Variants in PTPRA observed in about 807,000 individuals in gnomAD.
PTPRA encodes the protein receptor-type tyrosine-protein phosphatase alpha.
Under a neutral mutation model 104.8 loss-of-function variants are expected in PTPRA, and 25 were observed. That is an observed-to-expected ratio of 0.24 (90% CI 0.17 to 0.33). The LOEUF is 0.33. PTPRA is among the 10% of genes least tolerant of loss of function. PTPRA has a pLI of 1.00. For synonymous variants in PTPRA, 323 were observed against 368.9 expected (o/e 0.88, Z 1.43); for missense variants, 765 against 1,015.3 (o/e 0.75, Z 3.35).
chr20:2,933,308 A>G (rs1600134297), intron 2 of PTPRA, among the ~76,000 whole-genome samples: 2 of 152,270 alleles, frequency 1.3e-5, no homozygotes, highest in Admixed American at 1.3e-4. Flanking sequence ...CATAGCTTTT[A>G]TCCATCTTTC....
intron 1 of PTPRA, among the ~76,000 whole-genome samples, chr20:2,910,578 G>GTTTCTTTTTTTTTTT (rs1337126801): frequency 6.2e-5 from 2 of 32,426 alleles, no homozygotes; most frequent in Non-Finnish European, 5.2e-5. Flanking sequence ...TGCCCAGCTA[G>GTTTCTTTTTTTTTTT]TTTTTTTTTT....
chr20:3,015,902 T>C lies in PTPRA; in HGVS notation c.943+17T>C. On this transcript the variant is annotated intron_variant, in intron 12 of 23. Coordinates refer to ENST00000399903, the MANE Select transcript of PTPRA (RefSeq NM_001385305.1). ...CTGCACAAGGTAAAGTAATGACAACTTTTTTCTGTTAGATTTAACCATGAT... is the reference window on the plus strand; with the variant it reads ...CTGCACAAGGTAAAGTAATGACAACCTTTTTCTGTTAGATTTAACCATGAT... 6.5e-7 allele frequency: 1 copy of C among 1,549,560 alleles called. No homozygotes were observed.
rs7508908 is a variant in PTPRA at position 2,994,985 on chromosome 20, C to T, written c.738+6511C>T. ...TCTCTACTAAAAATACAAAAATTAG[C>T]CGGGCATGGTGGTGAGTGCCTGTAA... On this transcript the variant is annotated intron_variant, in intron 9 of 23. Transcript: ENST00000399903. 9.6e-3 allele frequency among the ~76,000 whole-genome samples: 1,454 copies of T among 152,152 alleles called. 63 individuals are homozygous for T. The East Asian group carries it at 0.12, about 13-fold the overall frequency.
At chr20:2,894,561 G>A (rs2058919809) in intron 1 of PTPRA, among the ~76,000 whole-genome samples, 1 of 151,880 alleles carries the variant, frequency 6.6e-6, no homozygotes, top group African/African-American at 2.4e-5. Flanking sequence ...TCCAGCCTTG[G>A]CCTCCCAAGG....
At chr20:2,875,873 CG>C (rs887737335) in intron 1 of PTPRA, among the ~76,000 whole-genome samples, 1 of 152,048 alleles carries the variant, frequency 6.6e-6, no homozygotes, top group Admixed American at 6.6e-5. Flanking sequence ...TTTCCTGGGA[CG>C]GGGGGGCCTT....
In PTPRA at chr20:2,938,311, A is replaced by G. The variant is rs532042898; in HGVS notation, c.-49-9671A>G. ...GCAATTCTCCTGCGTCAGCCACCCA[A>G]GTAGCTGGGATTACAGGCACCCGCC... is the stretch of plus-strand genomic sequence containing the variant. On this transcript the variant is annotated intron_variant, in intron 2 of 23. Transcript: ENST00000399903. Among the ~76,000 whole-genome samples the G allele has an allele frequency of 6.6e-5, 10 of 152,108 alleles. No individual in the cohort carries two copies. The South Asian group carries it at 2.1e-3, about 32-fold the overall frequency.
rs2065892312 is a variant in PTPRA at position 3,038,070 on chromosome 20, G to A, written c.2346G>A (p.Glu782=). The change falls in exon 24 of 24, where the codon GAG becomes GAA. Residue 782 remains glutamate, a synonymous_variant. Coordinates refer to ENST00000399903, the MANE Select transcript of PTPRA (RefSeq NM_001385305.1). ...PHMVQTLEQY[E]FCYKVVQEYI... ...CTTTCACTCTCCAGGAACAGTATGAGTTCTGCTACAAGGTGGTGCAGGAGT... is the reference window on the plus strand; with the variant it reads ...CTTTCACTCTCCAGGAACAGTATGAATTCTGCTACAAGGTGGTGCAGGAGT... The A allele has an allele frequency of 1.9e-6, 3 of 1,612,522 alleles. No individual in the cohort carries two copies. Among genetic ancestry groups the A allele is most frequent in the Non-Finnish European group, 2.5e-6 (3 of 1,178,540 alleles).
intron 1 of PTPRA, among the ~76,000 whole-genome samples, chr20:2,874,043 G>C (rs1336350222): frequency 6.6e-6 from 1 of 152,250 alleles, no homozygotes; most frequent in African/African-American, 2.4e-5. Context: ...GGCACTGCCA[G>C]AGTTGATTCT....
intron 2 of PTPRA, among the ~76,000 whole-genome samples, chr20:2,944,836 T>A (rs1038707736): frequency 1.3e-5 from 2 of 152,230 alleles, no homozygotes; most frequent in African/African-American, 4.8e-5. Flanking sequence ...AGATTTCCTT[T>A]TTATTTATCT....
rs1337126801 is a variant in PTPRA, at chr20:2,910,578, G to GTTTCTTTTTTTTTT, written c.-128-12626_-128-12625insCTTTTTTTTTTTTT. Reference sequence around the variant, plus strand: ...AGGTGTGTGCTATCATGCCCAGCTAGTTTTTTTTTTGTTTTTTTTTTGTTT... The same window carrying GTTTCTTTTTTTTTT: ...AGGTGTGTGCTATCATGCCCAGCTAGTTTCTTTTTTTTTTTTTTTTTTTTGTTTTTTTTTTGTTT... On this transcript the variant is annotated intron_variant, in intron 1 of 23. Coordinates refer to ENST00000399903, the MANE Select transcript of PTPRA (RefSeq NM_001385305.1). Among the ~76,000 whole-genome samples, 9 of 32,424 alleles carry GTTTCTTTTTTTTTT rather than the reference G, an allele frequency of 2.8e-4. 1 individual carries two copies. The highest frequency in any genetic ancestry group is 4.1e-4 in the Non-Finnish European group (8 of 19,350). The allele number at this position is 32,424 out of a possible 152,430, so 21.3% of individuals were successfully genotyped here. A position where few individuals can be genotyped will look rare whatever the true frequency, so the allele number is the denominator to read the frequency against.
intron 2 of PTPRA, among the ~76,000 whole-genome samples, chr20:2,927,989 G>A (rs1230732551): frequency 2.0e-5 from 3 of 152,070 alleles, no homozygotes; most frequent in African/African-American, 2.4e-5. Context: ...CAGCCTAGGC[G>A]ACAGAGTGAG....
chr20:3,006,820 G>A (rs970925221), intron 10 of PTPRA, among the ~76,000 whole-genome samples: 3 of 151,946 alleles, frequency 2.0e-5, no homozygotes, highest in South Asian at 2.1e-4. Flanking sequence ...TAGTAGAGAC[G>A]GAGTTTCACC....
the PTPRA span, chr20:2,864,247 G>A: frequency 6.2e-7 from 1 of 1,614,202 alleles, no homozygotes; most frequent in Non-Finnish European, 8.5e-7. This position sits in a 1 kb window ranked among gnomAD's most constrained non-coding sequence, Gnocchi z 5.2. Context: ...GGAGCAAACT[G>A]GCACTAAGCA....
At chr20:2,932,324 G>A (rs1055119228) in intron 2 of PTPRA, among the ~76,000 whole-genome samples, 8 of 152,210 alleles carry the variant, frequency 5.3e-5, no homozygotes, top group African/African-American at 1.9e-4. Context: ...TTAAGTAGAG[G>A]TGGAAAGTGA....
intron 1 of PTPRA, among the ~76,000 whole-genome samples, chr20:2,878,238 G>C (rs2089852924): frequency 6.6e-6 from 1 of 152,140 alleles, no homozygotes; most frequent in Non-Finnish European, 1.5e-5. Context: ...TTTTGAGACA[G>C]GGTCTCACTC....
chr20:2,932,345 G>A (rs1429979443), intron 2 of PTPRA, among the ~76,000 whole-genome samples: 2 of 152,168 alleles, frequency 1.3e-5, no homozygotes, highest in Non-Finnish European at 2.9e-5. Flanking sequence ...GGAAATGAAA[G>A]CCAAGTACAT....
intron 9 of PTPRA, among the ~76,000 whole-genome samples, chr20:2,994,775 A>C (rs897050970): frequency 1.3e-5 from 2 of 152,220 alleles, no homozygotes; most frequent in African/African-American, 2.4e-5. Flanking sequence ...AACCATGGCC[A>C]GTTACCTGAG....
chr20:2,951,805 A>G (rs2061362859), intron 3 of PTPRA, among the ~76,000 whole-genome samples: 1 of 152,170 alleles, frequency 6.6e-6, no homozygotes, highest in Admixed American at 6.6e-5. Flanking sequence ...AGCGGCAATC[A>G]TCTTGTGATC....
intron 1 of PTPRA, among the ~76,000 whole-genome samples, chr20:2,920,057 TGCAGA>T (rs2060045930): frequency 1.3e-5 from 2 of 152,244 alleles, no homozygotes; most frequent in African/African-American, 4.8e-5. Flanking sequence ...CTGTTTGGCC[TGCAGA>T]GCCAAACATT....
Sources: allele counts gnomAD v4.1 joint callset (sites outside exome capture counted in the v4.1 genomes callset), GRCh38; gene constraint gnomAD v4.1.1; non-coding constraint Gnocchi (gnomAD v3.1); transcripts MANE v1.5; gene names NCBI Gene and HGNC (gene_info 2026-07-23, HGNC 2026-07-21).